MLLT10: variants seen among roughly 807,000 people sequenced by gnomAD.
MLLT10 encodes MLLT10 histone lysine methyltransferase DOT1L cofactor.
In MLLT10, 30 loss-of-function variants were observed where a neutral mutation model predicts 129.1. That is an observed-to-expected ratio of 0.23 (90% CI 0.17 to 0.32). MLLT10 has a LOEUF of 0.32. MLLT10 is among the 10% of genes least tolerant of loss of function. MLLT10 has a pLI of 1.00. For synonymous variants in MLLT10, 490 were observed against 446.4 expected (o/e 1.10, Z -1.23); for missense variants, 1,119 against 1,268.3 (o/e 0.88, Z 1.79).
At chr10:21,689,171 C>G (rs1469299992) in intron 13 of MLLT10, among the ~76,000 whole-genome samples, 1 of 151,936 alleles carries the variant, frequency 6.6e-6, no homozygotes, top group East Asian at 1.9e-4. Flanking sequence ...TAGGTTCTTT[C>G]TTTATGTCTA....
At chr10:21,669,834 A>G (rs1182118699) in intron 9 of MLLT10, among the ~76,000 whole-genome samples, 1 of 152,242 alleles carries the variant, frequency 6.6e-6, no homozygotes, top group Non-Finnish European at 1.5e-5. Context: ...AACCATTTTT[A>G]GGGATAGTTA....
intron 9 of MLLT10, among the ~76,000 whole-genome samples, chr10:21,657,291 G>A (rs923005326): frequency 6.6e-6 from 1 of 151,408 alleles, no homozygotes; most frequent in Non-Finnish European, 1.5e-5. Flanking sequence ...TACACGAGAG[G>A]CTGAGGCAGG....
chr10:21,581,171 T>C (rs1564449579), intron 3 of MLLT10, among the ~76,000 whole-genome samples: 1 of 150,752 alleles, frequency 6.6e-6, no homozygotes, highest in Non-Finnish European at 1.5e-5. Flanking sequence ...TCAGCCTCCC[T>C]AGTAGCTGGG....
chr10:21,634,207 G>C (rs2047254170), intron 8 of MLLT10, among the ~76,000 whole-genome samples: 1 of 152,056 alleles, frequency 6.6e-6, no homozygotes, highest in Admixed American at 6.6e-5. Flanking sequence ...ACCCAGCCTG[G>C]GTGACACAGC....
intron 13 of MLLT10, among the ~76,000 whole-genome samples, chr10:21,709,006 G>C (rs1396387202): frequency 6.6e-6 from 1 of 152,142 alleles, no homozygotes; most frequent in African/African-American, 2.4e-5. Context: ...TTGTTTTATA[G>C]ATAAGAATAA....
rs939075575 is a variant in MLLT10, at chr10:21,703,287, GT to G, written c.1700-10473del. Among the ~76,000 whole-genome samples, 383 of 145,304 alleles carry G rather than the reference GT, an allele frequency of 2.6e-3. 2 individuals are homozygous for G. The highest frequency in any genetic ancestry group is 4.4e-3 in the Non-Finnish European group (288 of 65,686). On this transcript the variant is annotated intron_variant, in intron 13 of 22. Transcript: ENST00000307729. Reference sequence around the variant, plus strand: ...CTGTATGTAATATCCTTGGCTGAAAGTTTTTTTTTTTTCCTTTCAGCACTTT... The same window carrying G: ...CTGTATGTAATATCCTTGGCTGAAAGTTTTTTTTTTTCCTTTCAGCACTTT...
intron 3 of MLLT10, among the ~76,000 whole-genome samples, chr10:21,547,778 A>G (rs757699716): frequency 2.6e-5 from 4 of 152,196 alleles, no homozygotes; most frequent in Non-Finnish European, 1.5e-5. Flanking sequence ...ACCTCAGGTA[A>G]TGTTCCTGCT....
intron 3 of MLLT10, among the ~76,000 whole-genome samples, chr10:21,570,188 C>T (rs951373775): frequency 7.2e-5 from 11 of 151,822 alleles, no homozygotes; most frequent in African/African-American, 2.4e-4. Context: ...GGATTACAGG[C>T]GTGAGCCACT....
At chr10:21,625,726 C>T (rs535160933) in intron 8 of MLLT10, 9 of 768,500 alleles carry the variant, frequency 1.2e-5, no homozygotes, top group African/African-American at 5.1e-5. Context: ...CACAGAAATG[C>T]GCACTCCATG....
intron 8 of MLLT10, among the ~76,000 whole-genome samples, chr10:21,620,740 G>C (rs886636318): frequency 2.0e-5 from 3 of 152,022 alleles, no homozygotes; most frequent in African/African-American, 7.3e-5. Context: ...GCCCAGGCTG[G>C]AGTGCAGTGG....
At chr10:21,708,802 A>G in intron 13 of MLLT10, 17 of 902,468 alleles carry the variant, frequency 1.9e-5, no homozygotes, top group Non-Finnish European at 2.3e-5. Context: ...AAAGTGTAGT[A>G]GAGACATTAG....
chr10:21,651,059 TTTG>T (rs1170269757), intron 8 of MLLT10, among the ~76,000 whole-genome samples: 1 of 151,454 alleles, frequency 6.6e-6, no homozygotes, highest in African/African-American at 2.4e-5. Flanking sequence ...TTTGTTTTGT[TTTG>T]TTTTGTTTTG....
At chr10:21,540,672 ATAGT>A (rs1564368861) in intron 3 of MLLT10, among the ~76,000 whole-genome samples, 2 of 152,308 alleles carry the variant, frequency 1.3e-5, no homozygotes, top group African/African-American at 4.8e-5. Flanking sequence ...TTAAAATATG[ATAGT>A]TCCTTTTTAA....
At chr10:21,729,034 CT>C (rs1190318555) in intron 16 of MLLT10, among the ~76,000 whole-genome samples, 1 of 151,516 alleles carries the variant, frequency 6.6e-6, no homozygotes, top group Non-Finnish European at 1.5e-5. Flanking sequence ...CTAGTGATGC[CT>C]TTTTTTCTGT....
At chr10:21,628,428 TCTC>T (rs1259681275) in intron 8 of MLLT10, among the ~76,000 whole-genome samples, 3 of 147,024 alleles carry the variant, frequency 2.0e-5, no homozygotes, top group African/African-American at 7.7e-5. Flanking sequence ...AAGGATGCTC[TCTC>T]TTTTTTTTTT....
At chr10:21,624,674 T>G in intron 8 of MLLT10, 1 of 1,434,798 alleles carries the variant, frequency 7.0e-7, no homozygotes, top group Admixed American at 1.7e-5. Flanking sequence ...GTCACCACCT[T>G]GCTGAAGCGG....
rs1589510092 is a variant in MLLT10, at chr10:21,664,322, T to G, written c.796-6127T>G. Among the ~76,000 whole-genome samples, 3 of 149,986 alleles carry G rather than the reference T, an allele frequency of 2.0e-5. No homozygotes were observed. In the South Asian group the frequency reaches 6.3e-4, roughly 31 times the overall value. ...TTTTGTTTGCTTTTTGTTTGTTTGTTTTTTTTTTTTGAGGGGGAGATAGAG... is the reference window on the plus strand; with the variant it reads ...TTTTGTTTGCTTTTTGTTTGTTTGTGTTTTTTTTTTGAGGGGGAGATAGAG... On this transcript the variant is annotated intron_variant, in intron 9 of 22. Transcript: ENST00000307729.
At chr10:21,611,263 C>G (rs2044625840) in intron 5 of MLLT10, among the ~76,000 whole-genome samples, 1 of 151,596 alleles carries the variant, frequency 6.6e-6, no homozygotes, top group African/African-American at 2.4e-5. Context: ...CCCATCTCGG[C>G]CTCCCAAAGT....
At position 21,546,749 on chromosome 10, in the gene MLLT10, A is replaced by G. The variant is rs191125446; in HGVS notation, c.240+7837A>G. The stretch of plus-strand genomic sequence containing the variant: ...TGCCTGGCTAATTTTTTTTTTTTTG[A>G]GATAGAGTTTTGCTCTTTCCCAGGC... On this transcript the variant is annotated intron_variant, in intron 3 of 22. Transcript: ENST00000307729. Among the ~76,000 whole-genome samples, 861 of 143,542 alleles carry G rather than the reference A, an allele frequency of 6.0e-3. 6 individuals carry two copies. The highest frequency in any genetic ancestry group is 8.4e-3 in the Non-Finnish European group (556 of 66,010). 94.2% of individuals were successfully genotyped at this position (143,542 alleles called of 152,430 possible).
Sources: gnomAD v4.1 joint callset for allele counts (sites outside exome capture counted in the v4.1 genomes callset) on GRCh38, gnomAD v4.1.1 for gene constraint, MANE v1.5 for transcripts, NCBI Gene and HGNC (gene_info 2026-07-23, HGNC 2026-07-21) for gene names.